The following AKAP9 variants were observed in gnomAD, a reference collection of about 807,000 sequenced individuals.
AKAP9 encodes A-kinase anchoring protein 9, also known as A-kinase anchor protein 9.
A neutral mutation model predicts 488.5 loss-of-function variants in AKAP9; 311 were observed. That is an observed-to-expected ratio of 0.64 (90% CI 0.58 to 0.70). The LOEUF (loss-of-function observed/expected upper bound fraction) is 0.70, where lower values mean the gene tolerates loss of function less well. AKAP9 is among the 30% of genes least tolerant of loss of function. AKAP9 has a pLI of 0.00. For missense variants in AKAP9, 4,215 were observed against 4,374.5 expected (o/e 0.96, Z 1.03); for synonymous variants, 1,462 against 1,483.5 (o/e 0.99, Z 0.33).
chr7:92,055,824 A>G (rs1808700654), intron 22 of AKAP9, among the ~76,000 whole-genome samples: 1 of 152,034 alleles, frequency 6.6e-6, no homozygotes, highest in South Asian at 2.1e-4. Context: ...TGTTGTTACA[A>G]GGGCTGTATG....
intron 28 of AKAP9, among the ~76,000 whole-genome samples, chr7:92,072,990 T>C (rs1310463437): frequency 6.6e-6 from 1 of 152,090 alleles, no homozygotes; most frequent in Non-Finnish European, 1.5e-5. Flanking sequence ...TTTCTGTGAG[T>C]CTGAAGCCCT....
At chr7:92,037,623 G>A (rs1257662934) in intron 16 of AKAP9, among the ~76,000 whole-genome samples, 2 of 152,188 alleles carry the variant, frequency 1.3e-5, no homozygotes, top group Non-Finnish European at 2.9e-5. Flanking sequence ...GCTGGGGTGG[G>A]ATGGGAGGCT....
intron 16 of AKAP9, among the ~76,000 whole-genome samples, chr7:92,034,486 A>C (rs770344534): frequency 5.3e-4 from 49 of 92,270 alleles, no homozygotes; most frequent in East Asian, 9.8e-4. Flanking sequence ...ATATCTATAT[A>C]TATATATATA....
chr7:92,095,363 G>GT (rs1408411234), intron 40 of AKAP9, among the ~76,000 whole-genome samples, 190 bp downstream of exon 40: 1 of 151,932 alleles, frequency 6.6e-6, no homozygotes, highest in African/African-American at 2.4e-5. Flanking sequence ...GGTTTTTTTT[G>GT]TTTGTTTGTT....
At position 92,110,241 on chromosome 7, in the gene AKAP9, TG is replaced by T. The variant is rs1313779126; in HGVS notation, c.*83del. 3 of 1,147,172 alleles carry T rather than the reference TG, an allele frequency of 2.6e-6. No homozygotes were observed. Among genetic ancestry groups the T allele is most frequent in the Non-Finnish European group, 3.9e-6 (3 of 777,696 alleles). The allele number at this position is 1,147,172 out of a possible 1,614,324, so 71.1% of individuals were successfully genotyped here. On this transcript the variant is annotated 3_prime_UTR_variant, in exon 50 of 50. Coordinates refer to ENST00000356239, the MANE Select transcript of AKAP9 (RefSeq NM_005751.5). Reference sequence around the variant, plus strand: ...ATGGTTCTTTTGTGCTTTTGTATTGTGAATATTCAATGGGACCAATATGAAC... The same window carrying T: ...ATGGTTCTTTTGTGCTTTTGTATTGTAATATTCAATGGGACCAATATGAAC...
intron 22 of AKAP9, chr7:92,057,690 T>A (rs1809026713): frequency 4.6e-6 from 1 of 218,046 alleles, no homozygotes. Flanking sequence ...TTCTCAAGAC[T>A]GCTGCTATGG....
intron 47 of AKAP9, among the ~76,000 whole-genome samples, chr7:92,106,153 A>G (rs1818478985): frequency 6.6e-6 from 1 of 152,228 alleles, no homozygotes; most frequent in Admixed American, 6.5e-5. Flanking sequence ...GCTCTGAATT[A>G]CTGCATGTGT....
intron 49 of AKAP9, 104 bp from the exon 50 acceptor site, chr7:92,110,018 A>G (rs1001696515): frequency 5.9e-5 from 54 of 915,862 alleles, no homozygotes; most frequent in Non-Finnish European, 8.9e-5. Flanking sequence ...GGGCTTTAAA[A>G]AAATGGAGAA....
In AKAP9 at chr7:91,947,210, G is replaced by T. The variant is rs886401193; in HGVS notation, c.48+6063G>T. Among the ~76,000 whole-genome samples the T allele has an allele frequency of 4.6e-5, 7 of 151,890 alleles. No individual in the cohort carries two copies. The East Asian group carries it at 1.4e-3, about 29-fold the overall frequency. ...TGTGTGTGTGTGCTGGAGAGAGGGAGAAAGAGAATTTATAATACTGCTATC... is the reference window on the plus strand; with the variant it reads ...TGTGTGTGTGTGCTGGAGAGAGGGATAAAGAGAATTTATAATACTGCTATC... On this transcript the variant is annotated intron_variant, in intron 1 of 49. Transcript: ENST00000356239.
intron 46 of AKAP9, 41 bp from the exon 47 acceptor site, chr7:92,105,637 T>A: frequency 1.4e-6 from 2 of 1,403,214 alleles, no homozygotes. Context: ...ATATACTGTT[T>A]ATAGATGGGC....
At chr7:92,091,514 A>C (rs1383036054) in intron 38 of AKAP9, among the ~76,000 whole-genome samples, 1 of 146,078 alleles carries the variant, frequency 6.8e-6, no homozygotes, top group African/African-American at 2.6e-5. Flanking sequence ...TGAACTTAGG[A>C]GGCAGAGGTT....
intron 3 of AKAP9, among the ~76,000 whole-genome samples, chr7:91,989,892 A>G (rs1176747008): frequency 2.0e-5 from 3 of 152,074 alleles, no homozygotes; most frequent in African/African-American, 7.2e-5. Context: ...CCTAATGTTC[A>G]CCACAAGGAT....
At chr7:91,984,539 T>A (rs757646196) in intron 3 of AKAP9, among the ~76,000 whole-genome samples, 12 of 152,078 alleles carry the variant, frequency 7.9e-5, no homozygotes, top group East Asian at 1.9e-4. Context: ...GTAGCCTTGT[T>A]GTATAGTTTG....
At chr7:91,994,864 A>T in intron 6 of AKAP9, 88 bp downstream of exon 6, 1 of 1,301,764 alleles carries the variant, frequency 7.7e-7, no homozygotes, top group Non-Finnish European at 1.1e-6. Context: ...AAATTTGTTA[A>T]AAAAGCCATT....
At chr7:91,971,982 C>CTTTTTTTTTT (rs71107846) in intron 1 of AKAP9, among the ~76,000 whole-genome samples, 2 of 91,888 alleles carry the variant, frequency 2.2e-5, no homozygotes, top group East Asian at 3.4e-4. Context: ...TTTTGCCTCT[C>CTTTTTTTTTT]TTTTTTTTTT....
At chr7:91,992,360 TTTATTATAAAACTCAA>T in intron 4 of AKAP9, 149 bp downstream of exon 4, 1 of 733,128 alleles carries the variant, frequency 1.4e-6, no homozygotes, top group Non-Finnish European at 2.4e-6. Context: ...TTATCTACCA[TTTATTATAAAACTCAA>T]TTGTAGGCCA....
intron 28 of AKAP9, among the ~76,000 whole-genome samples, chr7:92,075,204 C>A (rs1192373546): frequency 1.3e-5 from 2 of 152,088 alleles, no homozygotes; most frequent in East Asian, 3.8e-4. Context: ...AGCAAGGCTT[C>A]ATGTCACAAA....
Position 92,018,395 on chromosome 7 carries a change from A to AACACACACACACAC in AKAP9, c.3837+1327_3837+1340dup, listed in dbSNP as rs56394853. ...CTCAAGACCTCATTTCTAAAAATAT[A>AACACACACACACAC]ACACACACACACACACACACACACA... On this transcript the variant is annotated intron_variant, in intron 12 of 49. Coordinates refer to ENST00000356239, the MANE Select transcript of AKAP9 (RefSeq NM_005751.5). Among the ~76,000 whole-genome samples, 586 of 120,650 alleles carry AACACACACACACAC rather than the reference A, an allele frequency of 4.9e-3. 2 individuals carry two copies. The highest frequency in any genetic ancestry group is 6.3e-3 in the East Asian group (26 of 4,126). The allele number at this position is 120,650 out of a possible 152,430, so 79.2% of individuals were successfully genotyped here.
chr7:92,106,026 G>A (rs1159724110), intron 47 of AKAP9, among the ~76,000 whole-genome samples: 3 of 152,238 alleles, frequency 2.0e-5, no homozygotes, highest in African/African-American at 4.8e-5. Context: ...TCTAACTAAT[G>A]CCTGATTATC....
Sources: gnomAD v4.1 joint callset for allele counts (sites outside exome capture counted in the v4.1 genomes callset) on GRCh38, gnomAD v4.1.1 for gene constraint, MANE v1.5 for transcripts, NCBI Gene and HGNC (gene_info 2026-07-23, HGNC 2026-07-21) for gene names.